The following IRX4 variants were observed in gnomAD, a reference collection of about 807,000 sequenced individuals.
IRX4 encodes iroquois-class homeodomain protein IRX-4.
In IRX4, 22 loss-of-function variants were observed where a neutral mutation model predicts 32.0. That is an observed-to-expected ratio of 0.69 (90% CI 0.49 to 0.98). The LOEUF (loss-of-function observed/expected upper bound fraction) is 0.98, where lower values mean the gene tolerates loss of function less well. Ranked by LOEUF, IRX4 falls within the 50% of genes least tolerant of loss-of-function variation. The probability of loss-of-function intolerance (pLI) is 0.00; values close to 1 mark genes in which losing one functional copy is unlikely to be tolerated. For missense variants in IRX4, 840 were observed against 744.2 expected, an observed-to-expected ratio of 1.13 and a Z score of -1.50; for synonymous variants, 379 against 351.7, an observed-to-expected ratio of 1.08 and a Z score of -0.87.
At position 1,877,977 on chromosome 5, in the gene IRX4, A is replaced by T. The variant is rs1244637019; in HGVS notation, c.1552T>A (p.Cys518Ser). 2 of 1,500,786 alleles carry T rather than the reference A, an allele frequency of 1.3e-6. No homozygotes were observed. The highest frequency in any genetic ancestry group is 1.8e-6 in the Non-Finnish European group (2 of 1,130,146). 93.0% of individuals were successfully genotyped at this position (1,500,786 alleles called of 1,614,324 possible). Residue 518 changes from cysteine to serine, a missense_variant, in exon 5 of 5, where the codon TGC becomes AGC. Around this residue, in one of 3 missense-constraint regions of IRX4, gnomAD observed 585 missense variants for 488.0 expected, o/e 1.20. Transcript: ENST00000231357. ...ALPKAGGKPF[C>S]A ...CTCGGGACCCGCCCGCCTCAGGCGC[A>T]GAAGGGTTTGCCGCCGGCCTTGGGC...
In IRX4 at chr5:1,882,871, G is replaced by A. The variant is rs1735504863; in HGVS notation, c.-224C>T. 2 of 393,114 alleles carry A rather than the reference G, an allele frequency of 5.1e-6. No homozygotes were observed. The highest frequency in any genetic ancestry group is 2.1e-5 in the African/African-American group (1 of 48,184). The allele number at this position is 393,114 out of a possible 1,614,324, so 24.4% of individuals were successfully genotyped here. ...CTTTAACTTCGCATTCCGGAGGCTC[G>A]AGGGGGCTCTGGGACCGAGCGGCCT... is the stretch of plus-strand genomic sequence containing the variant. On this transcript the variant is annotated 5_prime_UTR_variant, in exon 1 of 5. Transcript: ENST00000231357.
At chr5:1,880,349 T>A (rs1735383662) in intron 3 of IRX4, among the ~76,000 whole-genome samples, 1 of 152,136 alleles carries the variant, frequency 6.6e-6, no homozygotes, top group Admixed American at 6.5e-5. Context: ...CCACCAGGGG[T>A]TCCCCACTGT....
chr5:1,880,713 G>A lies in IRX4; in HGVS notation c.407+12C>T, dbSNP rs769936677. The A allele has an allele frequency of 1.3e-6, 2 of 1,580,236 alleles. No homozygotes were observed. Among genetic ancestry groups the A allele is most frequent in the East Asian group, 2.2e-5 (1 of 44,700 alleles). ...GTGGGGCTAGTGCTGGTTAGGAGGG[G>A]TGGGTCCTCACCTGTCATAGGGGTA... On this transcript the variant is annotated intron_variant, in intron 3 of 4. Transcript: ENST00000231357.
chr5:1,880,211 G>A, intron 3 of IRX4: 5 of 1,271,238 alleles, frequency 3.9e-6, no homozygotes, highest in South Asian at 1.3e-5. Context: ...GGCAGGAAGG[G>A]TCATTACTGC....
At chr5:1,882,229 T>G (rs1735474973) in intron 1 of IRX4, among the ~76,000 whole-genome samples, 170 bp from the exon 2 acceptor site, 1 of 152,136 alleles carries the variant, frequency 6.6e-6, no homozygotes, top group Non-Finnish European at 1.5e-5. Context: ...GCGTCTGGCC[T>G]CCTCCGCCAC....
rs1040943649 is a variant in IRX4 at position 1,879,500 on chromosome 5, C to T, written c.736+4G>A. ...CAGCCCCCAGTGACAACCTCCCAAC[C>T]CACCTGCGTTCTTGGAGCTCTTGAG... On this transcript the variant is annotated splice_donor_region_variant and intron_variant, in intron 4 of 4. Coordinates refer to ENST00000231357, the MANE Select transcript of IRX4 (RefSeq NM_016358.3). 2 of 1,613,076 alleles carry T rather than the reference C, an allele frequency of 1.2e-6. No homozygotes were observed. The highest frequency in any genetic ancestry group is 2.2e-5 in the South Asian group (2 of 91,078).
At chr5:1,880,131 T>C (rs1351188262) in intron 3 of IRX4, 3 of 1,535,490 alleles carry the variant, frequency 2.0e-6, no homozygotes, top group African/African-American at 2.7e-5. Context: ...GATGACCGCC[T>C]AGCCGTTTGA....
chr5:1,878,457 C>G lies in IRX4; in HGVS notation c.1072G>C (p.Ala358Pro). Reference protein sequence around the residue: ...EAKLGFVPAGASAGLEAKPRI... With the variant: ...EAKLGFVPAGPSAGLEAKPRI... The stretch of plus-strand genomic sequence containing the variant: ...GGCTTAGCCTCCAGGCCTGCCGACG[C>G]CCCCGCCGGCACAAACCCCAGCTTG... The change falls in exon 5 of 5, where the codon GCG becomes CCG. Residue 358 changes from alanine to proline, a missense_variant. This residue lies in a region of IRX4 where 585 missense variants were observed against 488.0 expected (regional missense o/e 1.20). Transcript: ENST00000231357. 2 of 1,456,382 alleles carry G rather than the reference C, an allele frequency of 1.4e-6. No individual in the cohort carries two copies. Among genetic ancestry groups the G allele is most frequent in the Non-Finnish European group, 1.8e-6 (2 of 1,110,028 alleles). The allele number at this position is 1,456,382 out of a possible 1,614,324, so 90.2% of individuals were successfully genotyped here. A position where few individuals can be genotyped will look rare whatever the true frequency, so the allele number is the denominator to read the frequency against.
At chr5:1,881,165 G>T in intron 2 of IRX4, 1 of 397,954 alleles carries the variant, frequency 2.5e-6, no homozygotes. Flanking sequence ...ATAGGGGGCA[G>T]CTGGGAGAAG....
chr5:1,883,108 G>A (rs974278653), upstream of IRX4, among the ~76,000 whole-genome samples: 7 of 152,116 alleles, frequency 4.6e-5, no homozygotes, highest in East Asian at 3.9e-4. Flanking sequence ...CGCGGTGGAC[G>A]GAGGGGCCAT....
chr5:1,878,440 C>T lies in IRX4; in HGVS notation c.1089G>A (p.Glu363=), dbSNP rs1735290776. Residue 363 remains glutamate (E), a synonymous_variant, in exon 5 of 5, where the codon GAG becomes GAA. Coordinates refer to ENST00000231357, the MANE Select transcript of IRX4 (RefSeq NM_016358.3). ...FVPAGASAGL[E]AKPRIWSLAH... The stretch of plus-strand genomic sequence containing the variant: ...CCAGGGACCAGATGCGCGGCTTAGC[C>T]TCCAGGCCTGCCGACGCCCCCGCCG... The T allele has an allele frequency of 2.0e-6, 3 of 1,481,294 alleles. No individual in the cohort carries two copies. Among genetic ancestry groups the T allele is most frequent in the Non-Finnish European group, 2.7e-6 (3 of 1,121,058 alleles). 91.8% of individuals were successfully genotyped at this position (1,481,294 alleles called of 1,614,324 possible).
chr5:1,882,209 T>G, intron 1 of IRX4, 150 bp from the exon 2 acceptor site: 1 of 958,100 alleles, frequency 1.0e-6, no homozygotes, highest in Non-Finnish European at 1.5e-6. Flanking sequence ...CCCTTTCCAC[T>G]AGCTTGTGCG....
Position 1,877,823 on chromosome 5 carries a change from C to T in IRX4, c.*146G>A. On this transcript the variant is annotated 3_prime_UTR_variant, in exon 5 of 5. Transcript: ENST00000231357. ...GGCAGCGCCGGGCTTGTCCATGTTC[C>T]CAGGAGTCCAAGTTCAGAAGCCCCC... 2 of 756,206 alleles carry T rather than the reference C, an allele frequency of 2.6e-6. No individual in the cohort carries two copies. The highest frequency in any genetic ancestry group is 1.9e-5 in the South Asian group (1 of 52,940). The allele number at this position is 756,206 out of a possible 1,614,324, so 46.8% of individuals were successfully genotyped here.
rs762814910 is a variant in IRX4, at chr5:1,878,402, G to A, written c.1127C>T (p.Thr376Ile). ...GGAGGTGGCGGCGGCGGCGGCGGCG[G>A]TGGCTGTGTGGGCCAGGGACCAGAT... The part of the protein sequence containing the change: ...PRIWSLAHTA[T>I]AAAAAATSLS... Residue 376 changes from threonine to isoleucine, a missense_variant, in exon 5 of 5, where the codon ACC (threonine) becomes ATC (isoleucine). Physicochemically the swap from Thr to Ile is moderately conservative, Grantham distance 89. Coordinates refer to ENST00000231357, the MANE Select transcript of IRX4 (RefSeq NM_016358.3). The A allele has an allele frequency of 3.9e-6, 6 of 1,525,272 alleles. No homozygotes were observed. In the African/African-American group the frequency reaches 8.3e-5, roughly 21 times the overall value. The allele number at this position is 1,525,272 out of a possible 1,614,324, so 94.5% of individuals were successfully genotyped here.
rs373871479 is a variant in IRX4, at chr5:1,879,088, T to C, written c.737-296A>G. Among the ~76,000 whole-genome samples the C allele has an allele frequency of 6.1e-4, 92 of 151,026 alleles. 1 individual carries two copies. In the South Asian group the frequency reaches 0.01, roughly 17 times the overall value. On this transcript the variant is annotated intron_variant, in intron 4 of 4. Coordinates refer to ENST00000231357, the MANE Select transcript of IRX4 (RefSeq NM_016358.3). ...CTCACTGCAAACTCCGCCTCCAGGG[T>C]TCAGGGCATTCTCCTGCCTCAGCCT...
At chr5:1,886,284 C>G (rs1029139875), upstream of IRX4, among the ~76,000 whole-genome samples, 2 of 152,244 alleles carry the variant, frequency 1.3e-5, no homozygotes, top group Non-Finnish European at 2.9e-5. Context: ...CTCCTTCCAG[C>G]CCAGAGAAGT....
chr5:1,880,289 G>A, intron 3 of IRX4: 1 of 671,756 alleles, frequency 1.5e-6, no homozygotes, highest in Non-Finnish European at 2.5e-6. Context: ...TGGTTGCATT[G>A]AGGAAAGTGG....
chr5:1,877,866 G>T lies in IRX4; in HGVS notation c.*103C>A. 1 of 1,113,796 alleles carries T rather than the reference G, an allele frequency of 9.0e-7. No individual in the cohort carries two copies. The highest frequency in any genetic ancestry group is 1.3e-6 in the Non-Finnish European group (1 of 793,258). The allele number at this position is 1,113,796 out of a possible 1,614,324, so 69.0% of individuals were successfully genotyped here. A position where few individuals can be genotyped will look rare whatever the true frequency, so the allele number is the denominator to read the frequency against. Reference sequence around the variant, plus strand: ...AAGCCCCCTCTCCGGTGGGTTGGCGGCTTCGCGGTGGCCGCGCTAGTCTTC... The same window carrying T: ...AAGCCCCCTCTCCGGTGGGTTGGCGTCTTCGCGGTGGCCGCGCTAGTCTTC... On this transcript the variant is annotated 3_prime_UTR_variant, in exon 5 of 5. Transcript: ENST00000231357.
chr5:1,881,291 G>T, intron 2 of IRX4, among the ~76,000 whole-genome samples: 1 of 138,322 alleles, frequency 7.2e-6, no homozygotes, highest in Non-Finnish European at 1.6e-5. Context: ...GAGGGGAGAA[G>T]GGAGGAGAGA....
Sources: allele counts gnomAD v4.1 joint callset (sites outside exome capture counted in the v4.1 genomes callset), GRCh38; gene constraint gnomAD v4.1.1; regional missense constraint gnomAD v4.1.1; transcripts MANE v1.5; gene names NCBI Gene and HGNC (gene_info 2026-07-23, HGNC 2026-07-21).